C20orf204: variants seen among roughly 807,000 people sequenced by gnomAD.
The protein encoded by C20orf204 is chromosome 20 open reading frame 204, also known as uncharacterized protein C20orf204.
A neutral mutation model predicts 3.6 loss-of-function variants in C20orf204; 6 were observed. The observed-to-expected ratio is 1.68, with a 90% CI of 0.92 to 3.31. The LOEUF (loss-of-function observed/expected upper bound fraction) is 3.31. C20orf204 is among the 30% of genes most tolerant of loss of function. The probability of loss-of-function intolerance (pLI) is 0.00; values close to 1 mark genes in which losing one functional copy is unlikely to be tolerated. For synonymous variants in C20orf204, 80 were observed against 41.4 expected, an observed-to-expected ratio of 1.93 and a Z score of -3.58; for missense variants, 167 against 89.7, an observed-to-expected ratio of 1.86 and a Z score of -3.48.
chr20:64,037,365 CTG>C (rs2059341397), intron 1 of C20orf204: 1 of 152,402 alleles, frequency 6.6e-6, no homozygotes, highest in Non-Finnish European at 1.5e-5. Context: ...TCCCACGTCT[CTG>C]TGAGCTAACC....
Position 64,038,619 on chromosome 20 carries a change from C to T in C20orf204, c.433-3C>T. 1.8e-6 allele frequency: 1 copy of T among 570,394 alleles called. No individual in the cohort carries two copies. Among genetic ancestry groups the T allele is most frequent in the Non-Finnish European group, 3.1e-6 (1 of 327,594 alleles). 35.3% of individuals were successfully genotyped at this position (570,394 alleles called of 1,614,324 possible). A position where few individuals can be genotyped will look rare whatever the true frequency, so the allele number is the denominator to read the frequency against. ...CATTCGCTGACCGCCCTGTCCCCGA[C>T]AGCGGAGCCGGCGGCCCAAGATGCG... On this transcript the variant is annotated splice_polypyrimidine_tract_variant and splice_region_variant and intron_variant, in intron 3 of 3. Transcript: ENST00000636176.
chr20:64,036,656 C>G (rs2059338626), intron 1 of C20orf204: 1 of 152,300 alleles, frequency 6.6e-6, no homozygotes, highest in South Asian at 2.1e-4. Context: ...GACATCCTTG[C>G]AGCTCCAGCT....
chr20:64,038,633 GC>G lies in C20orf204; in HGVS notation c.447del (p.Lys150ArgfsTer67). On this transcript the variant is annotated frameshift_variant, in exon 4 of 4. Coordinates refer to ENST00000636176, the MANE Select transcript of C20orf204 (RefSeq NM_001387010.1). LOFTEE classifies it low-confidence loss of function (END_TRUNC). ...CCTGTCCCCGACAGCGGAGCCGGCG[GC>G]CCAAGATGCGCCCTGCCCGGCGTCG... ...CRTLRQRSRR[P>X]KMRPARRRGG... 1.7e-6 allele frequency: 1 copy of G among 591,170 alleles called. No individual in the cohort carries two copies. Among genetic ancestry groups the G allele is most frequent in the Admixed American group, 3.2e-5 (1 of 30,876 alleles). 36.6% of individuals were successfully genotyped at this position (591,170 alleles called of 1,614,324 possible).
At position 64,038,736 on chromosome 20, in the gene C20orf204, G is replaced by T. The variant is rs1339663522; in HGVS notation, c.547G>T (p.Ala183Ser). The T allele has an allele frequency of 2.9e-6, 2 of 689,512 alleles. No homozygotes were observed. The highest frequency in any genetic ancestry group is 2.1e-5 in the Admixed American group (1 of 48,144). The allele number at this position is 689,512 out of a possible 1,614,324, so 42.7% of individuals were successfully genotyped here. A position where few individuals can be genotyped will look rare whatever the true frequency, so the allele number is the denominator to read the frequency against. The change falls in exon 4 of 4, where the codon GCC becomes TCC. Residue 183 changes from alanine to serine, a missense_variant. Transcript: ENST00000636176. ...CTGGGAGAAGCTCTTCGCGCTGCGC[G>T]CCCCGGCCTCCAGGGACTCCTAGCG... ...TCWEKLFALR[A>S]PASRDS
In C20orf204 at chr20:64,038,608, C is replaced by G. The variant is rs1272968916; in HGVS notation, c.433-14C>G. 1.8e-6 allele frequency: 1 copy of G among 549,422 alleles called. No individual in the cohort carries two copies. The highest frequency in any genetic ancestry group is 2.0e-5 in the African/African-American group (1 of 49,778). 34.0% of individuals were successfully genotyped at this position (549,422 alleles called of 1,614,324 possible). ...GGGGCCGTGCGCATTCGCTGACCGC[C>G]CTGTCCCCGACAGCGGAGCCGGCGG... On this transcript the variant is annotated splice_polypyrimidine_tract_variant and intron_variant, in intron 3 of 3. Coordinates refer to ENST00000636176, the MANE Select transcript of C20orf204 (RefSeq NM_001387010.1).
In C20orf204 at chr20:64,038,798, C is replaced by A; in HGVS notation, c.*39C>A. On this transcript the variant is annotated 3_prime_UTR_variant, in exon 4 of 4. Transcript: ENST00000636176. ...GGCCCTGCGCGGGGAGGAGAACCAG[C>A]GGGGCCGCGGCAGAGCCTGGAGACG... The A allele has an allele frequency of 1.4e-6, 1 of 696,322 alleles. No homozygotes were observed. Among genetic ancestry groups the A allele is most frequent in the Non-Finnish European group, 2.7e-6 (1 of 376,078 alleles). 43.1% of individuals were successfully genotyped at this position (696,322 alleles called of 1,614,324 possible).
In C20orf204 at chr20:64,038,961, C is replaced by G. The variant is rs764126727; in HGVS notation, c.*202C>G. The G allele has an allele frequency of 6.9e-6, 5 of 722,112 alleles. No individual in the cohort carries two copies. Among genetic ancestry groups the G allele is most frequent in the Non-Finnish European group, 1.3e-5 (5 of 391,636 alleles). 44.7% of individuals were successfully genotyped at this position (722,112 alleles called of 1,614,324 possible). A position where few individuals can be genotyped will look rare whatever the true frequency, so the allele number is the denominator to read the frequency against. ...CGGAGGAGGCCCGCCCTCCACGCGC[C>G]GAAGGCCTCAATAAACGGAGCTGGC... On this transcript the variant is annotated 3_prime_UTR_variant, in exon 4 of 4. Transcript: ENST00000636176.
intron 1 of C20orf204, chr20:64,037,492 A>C (rs816939): frequency 0.075 from 12,157 of 162,558 alleles, 558 homozygotes; most frequent in Middle Eastern, 0.12. Flanking sequence ...CAGCCCCACT[A>C]GAGCTGTACG....
At chr20:64,035,443 AC>A (rs1490107998), upstream of C20orf204, 1 of 152,208 alleles carries the variant, frequency 6.6e-6, no homozygotes, top group Admixed American at 6.5e-5. Flanking sequence ...CTGGGAAACT[AC>A]CTTAACTTGT....
At position 64,038,835 on chromosome 20, in the gene C20orf204, G is replaced by T. The variant is rs1431643794; in HGVS notation, c.*76G>T. 5 of 716,184 alleles carry T rather than the reference G, an allele frequency of 7.0e-6. No homozygotes were observed. The East Asian group carries it at 1.4e-4, about 20-fold the overall frequency. 44.4% of individuals were successfully genotyped at this position (716,184 alleles called of 1,614,324 possible). On this transcript the variant is annotated 3_prime_UTR_variant, in exon 4 of 4. Transcript: ENST00000636176. ...AGAGCCTGGAGACGCGCCTCGTTCT[G>T]TAGACTTGTTGGTGACCTCGGCCCC...
rs528886986 is a variant in C20orf204, at chr20:64,038,931, G to A, written c.*172G>A. ...AAGGGAGCGCGCCTGGCCGCCGCTG[G>A]GTCACGGAGGAGGCCCGCCCTCCAC... On this transcript the variant is annotated 3_prime_UTR_variant, in exon 4 of 4. Transcript: ENST00000636176. 11 of 726,130 alleles carry A rather than the reference G, an allele frequency of 1.5e-5. No homozygotes were observed. The highest frequency in any genetic ancestry group is 1.3e-4 in the African/African-American group (7 of 55,980). The allele number at this position is 726,130 out of a possible 1,614,324, so 45.0% of individuals were successfully genotyped here.
Position 64,038,616 on chromosome 20 carries a change from C to T in C20orf204, c.433-6C>T, listed in dbSNP as rs2059347923. The T allele has an allele frequency of 1.8e-6, 1 of 568,796 alleles. No homozygotes were observed. The highest frequency in any genetic ancestry group is 3.1e-6 in the Non-Finnish European group (1 of 326,920). The allele number at this position is 568,796 out of a possible 1,614,324, so 35.2% of individuals were successfully genotyped here. A position where few individuals can be genotyped will look rare whatever the true frequency, so the allele number is the denominator to read the frequency against. ...GCGCATTCGCTGACCGCCCTGTCCC[C>T]GACAGCGGAGCCGGCGGCCCAAGAT... On this transcript the variant is annotated splice_polypyrimidine_tract_variant and splice_region_variant and intron_variant, in intron 3 of 3. Transcript: ENST00000636176.
chr20:64,038,533 G>A (rs1210855252), intron 3 of C20orf204, 85 bp downstream of exon 3: 1 of 564,168 alleles, frequency 1.8e-6, no homozygotes, highest in Non-Finnish European at 3.1e-6. Flanking sequence ...ACGGCCCTAG[G>A]CTGAAGTCGG....
In C20orf204 at chr20:64,038,013, C is replaced by T. The variant is rs1252514112; in HGVS notation, c.90C>T (p.Val30=). ...GCGCCTATTCCCCGGCCTGCAGCGT[C>T]CCCGACGTGCTCCGCCACTATCGCG... ...PSRAYSPACS[V]PDVLRHYRAI... The change falls in exon 2 of 4, where the codon GTC becomes GTT. Residue 30 remains valine, a synonymous_variant. Coordinates refer to ENST00000636176, the MANE Select transcript of C20orf204 (RefSeq NM_001387010.1). 9.5e-6 allele frequency: 5 copies of T among 525,230 alleles called. No individual in the cohort carries two copies. Among genetic ancestry groups the T allele is most frequent in the Admixed American group, 3.8e-5 (1 of 26,082 alleles). The allele number at this position is 525,230 out of a possible 1,614,324, so 32.5% of individuals were successfully genotyped here. A position where few individuals can be genotyped will look rare whatever the true frequency, so the allele number is the denominator to read the frequency against.
At chr20:64,036,916 G>C (rs2059339499) in intron 1 of C20orf204, 1 of 152,462 alleles carries the variant, frequency 6.6e-6, no homozygotes, top group Non-Finnish European at 1.5e-5. Context: ...TGCTTGTTCA[G>C]GCTCCCCTGA....
At chr20:64,038,493 C>T (rs771476220) in intron 3 of C20orf204, 45 bp downstream of exon 3, 2 of 646,578 alleles carry the variant, frequency 3.1e-6, no homozygotes, top group Admixed American at 4.8e-5. Context: ...CCCTTAACCC[C>T]CACAGGGCCG....
intron 2 of C20orf204, 41 bp downstream of exon 2, chr20:64,038,243 CCT>C (rs757978478): frequency 6.7e-6 from 5 of 741,116 alleles, no homozygotes; most frequent in African/African-American, 1.8e-5. Flanking sequence ...CCGGCCTGCT[CCT>C]CTCTCAGTTT....
upstream of C20orf204, chr20:64,035,512 G>C (rs1266487721): frequency 6.6e-6 from 1 of 152,252 alleles, no homozygotes; most frequent in Non-Finnish European, 1.5e-5. Context: ...GGTTGCTCGT[G>C]TTCTGAGGTG....
At chr20:64,036,790 G>C (rs1411450315) in intron 1 of C20orf204, 1 of 152,528 alleles carries the variant, frequency 6.6e-6, no homozygotes, top group Admixed American at 6.5e-5. Context: ...GGGGGGTCAG[G>C]TTTCAGGAAG....
Sources: allele counts gnomAD v4.1 joint callset, GRCh38; gene constraint gnomAD v4.1.1; transcripts MANE v1.5; gene names NCBI Gene and HGNC (gene_info 2026-07-23, HGNC 2026-07-21).